The following YPEL2 variants were observed in gnomAD, a reference collection of about 807,000 sequenced individuals.
YPEL2 encodes protein yippee-like 2.
A neutral mutation model predicts 19.1 loss-of-function variants in YPEL2; 2 were observed. That is an observed-to-expected ratio of 0.10 (90% CI 0.04 to 0.33). The LOEUF (loss-of-function observed/expected upper bound fraction) is 0.33. Ranked by LOEUF, YPEL2 falls within the 10% of genes least tolerant of loss-of-function variation. YPEL2 has a pLI of 1.00. For synonymous variants in YPEL2, 52 were observed against 50.0 expected (o/e 1.04, Z -0.17); for missense variants, 66 against 140.7 (o/e 0.47, Z 2.68).
At chr17:59,337,183 C>CTTTT (rs146083930) in intron 1 of YPEL2, among the ~76,000 whole-genome samples, 13 of 136,496 alleles carry the variant, frequency 9.5e-5, no homozygotes, top group Non-Finnish European at 1.1e-4. Context: ...GGGAGAAATT[C>CTTTT]TTTTTTTTTG....
At chr17:59,355,634 T>C (rs1486469616) in intron 2 of YPEL2, 1 of 152,208 alleles carries the variant, frequency 6.6e-6, no homozygotes, top group Non-Finnish European at 1.5e-5. Flanking sequence ...TTATACATCC[T>C]TGGGCATGGC....
chr17:59,348,179 C>G (rs546478571), intron 1 of YPEL2, among the ~76,000 whole-genome samples: 12 of 152,234 alleles, frequency 7.9e-5, no homozygotes, highest in Non-Finnish European at 1.6e-4. Flanking sequence ...CCAGAGCCCA[C>G]TTCTTTTCCA....
chr17:59,380,783 A>G (rs1471252269), intron 2 of YPEL2, among the ~76,000 whole-genome samples: 5 of 152,224 alleles, frequency 3.3e-5, no homozygotes, highest in Non-Finnish European at 7.3e-5. Flanking sequence ...TTGGGGAAGC[A>G]AGTGCCAGGT....
At chr17:59,364,145 C>T (rs2047855934) in intron 2 of YPEL2, among the ~76,000 whole-genome samples, 1 of 152,144 alleles carries the variant, frequency 6.6e-6, no homozygotes, top group African/African-American at 2.4e-5. Flanking sequence ...TCTCAATGTC[C>T]TGGAGTCATA....
chr17:59,344,783 C>T (rs2047747984), intron 1 of YPEL2, among the ~76,000 whole-genome samples: 1 of 152,198 alleles, frequency 6.6e-6, no homozygotes, highest in Non-Finnish European at 1.5e-5. Flanking sequence ...AGTGTTTGGA[C>T]TTGGCATGTT....
chr17:59,396,059 C>T (rs1378695527), intron 4 of YPEL2, among the ~76,000 whole-genome samples: 2 of 152,022 alleles, frequency 1.3e-5, no homozygotes, highest in African/African-American at 4.8e-5. Flanking sequence ...CCAGCCTGGG[C>T]GACTGAGCAA....
intron 2 of YPEL2, among the ~76,000 whole-genome samples, chr17:59,368,991 G>A (rs1190908490): frequency 6.6e-6 from 1 of 151,732 alleles, no homozygotes; most frequent in Non-Finnish European, 1.5e-5. Flanking sequence ...TAGCAAGCAG[G>A]TAGATCACTG....
chr17:59,331,874 G>C (rs988798585), intron 1 of YPEL2, 50 bp downstream of exon 1: 1 of 151,454 alleles, frequency 6.6e-6, no homozygotes, highest in Non-Finnish European at 1.5e-5. Context: ...GGCGTGGGGC[G>C]CGCTGTCAGC....
At chr17:59,363,819 G>A (rs562983549) in intron 2 of YPEL2, among the ~76,000 whole-genome samples, 1 of 152,272 alleles carries the variant, frequency 6.6e-6, no homozygotes, top group East Asian at 1.9e-4. Context: ...AGGTTCTTTT[G>A]GCCTTGCCTA....
intron 1 of YPEL2, among the ~76,000 whole-genome samples, chr17:59,332,884 A>T (rs2047679069): frequency 6.6e-6 from 1 of 152,054 alleles, no homozygotes; most frequent in Non-Finnish European, 1.5e-5. Context: ...GAGGCTCTTG[A>T]GTGAGTCCTT....
At position 59,399,639 on chromosome 17, in the gene YPEL2, A is replaced by G. The variant is rs1026390186; in HGVS notation, c.*2449A>G. 1 of 152,408 alleles carries G rather than the reference A, an allele frequency of 6.6e-6. No individual in the cohort carries two copies. The highest frequency in any genetic ancestry group is 1.5e-5 in the Non-Finnish European group (1 of 68,030). 9.4% of individuals were successfully genotyped at this position (152,408 alleles called of 1,614,324 possible). A position where few individuals can be genotyped will look rare whatever the true frequency, so the allele number is the denominator to read the frequency against. On this transcript the variant is annotated 3_prime_UTR_variant, in exon 5 of 5. Coordinates refer to ENST00000312655, the MANE Select transcript of YPEL2 (RefSeq NM_001005404.4). Reference sequence around the variant, plus strand: ...GTTTTTCCATAACTACAGGGGGAAAAAAAGTCATTAGGCTTTCCCTTTGTG... The same window carrying G: ...GTTTTTCCATAACTACAGGGGGAAAGAAAGTCATTAGGCTTTCCCTTTGTG...
chr17:59,358,589 G>T (rs895193911), intron 2 of YPEL2, among the ~76,000 whole-genome samples: 2 of 147,578 alleles, frequency 1.4e-5, no homozygotes, highest in African/African-American at 2.5e-5. Context: ...TCAGTTTGTG[G>T]TTTTTTTTTT....
At chr17:59,356,102 C>G (rs931582118) in intron 2 of YPEL2, 10 of 152,172 alleles carry the variant, frequency 6.6e-5, no homozygotes, top group African/African-American at 2.4e-4. Context: ...TTCCCTCCCT[C>G]TTCCATTTAA....
chr17:59,342,205 A>C (rs931981314), intron 1 of YPEL2, among the ~76,000 whole-genome samples: 4 of 152,154 alleles, frequency 2.6e-5, no homozygotes. Flanking sequence ...GTTTGTAGCT[A>C]ATTGGGGCCC....
At chr17:59,380,847 G>A (rs147485886) in intron 2 of YPEL2, among the ~76,000 whole-genome samples, 1 of 152,340 alleles carries the variant, frequency 6.6e-6, no homozygotes, top group East Asian at 1.9e-4. Context: ...ATCATTGGGA[G>A]CTTCAGTCCC....
rs2048066107 is a variant in YPEL2, at chr17:59,400,641, AAAAT to A, written c.*3459_*3462del. 6.5e-6 allele frequency: 1 copy of A among 152,686 alleles called. No homozygotes were observed. Among genetic ancestry groups the A allele is most frequent in the Non-Finnish European group, 1.5e-5 (1 of 68,052 alleles). 9.5% of individuals were successfully genotyped at this position (152,686 alleles called of 1,614,324 possible). A position where few individuals can be genotyped will look rare whatever the true frequency, so the allele number is the denominator to read the frequency against. On this transcript the variant is annotated 3_prime_UTR_variant, in exon 5 of 5. Transcript: ENST00000312655. ...CTTGCATCAGTATTGGCTAGAAAAG[AAAAT>A]AAATAAAACCAAGTTAATTTAGTAG...
chr17:59,342,273 A>G (rs1213135375), intron 1 of YPEL2, among the ~76,000 whole-genome samples: 1 of 152,220 alleles, frequency 6.6e-6, no homozygotes, highest in East Asian at 1.9e-4. Context: ...ACAGTGCCCA[A>G]AGTCTACAAC....
intron 4 of YPEL2, among the ~76,000 whole-genome samples, chr17:59,392,580 G>T (rs1010534913): frequency 7.1e-6 from 1 of 141,196 alleles, no homozygotes; most frequent in Non-Finnish European, 1.5e-5. Context: ...GTGTGATCTC[G>T]GCTTACTGCA....
At chr17:59,348,481 G>C (rs1345669578) in intron 1 of YPEL2, among the ~76,000 whole-genome samples, 1 of 152,228 alleles carries the variant, frequency 6.6e-6, no homozygotes, top group Non-Finnish European at 1.5e-5. Context: ...CCTGTTGGCC[G>C]GGGAGGCGGC....
Sources: allele counts gnomAD v4.1 joint callset (sites outside exome capture counted in the v4.1 genomes callset), GRCh38; gene constraint gnomAD v4.1.1; transcripts MANE v1.5; gene names NCBI Gene and HGNC (gene_info 2026-07-23, HGNC 2026-07-21).